The following NTRK3 variants were observed in gnomAD, a reference collection of about 807,000 sequenced individuals.
NTRK3 encodes the protein neurotrophic receptor tyrosine kinase 3.
NTRK3 carries 24 observed loss-of-function variants against 91.7 expected under a neutral mutation model. That is an observed-to-expected ratio of 0.26 (90% confidence interval 0.19 to 0.37). NTRK3 has a LOEUF of 0.37. Among genes scored for constraint, NTRK3 ranks in the 10% least tolerant of loss-of-function variants. The pLI is 1.00. For missense variants in NTRK3, 880 were observed against 1,068.9 expected, an observed-to-expected ratio of 0.82 and a Z score of 2.46; for synonymous variants, 483 against 404.0, an observed-to-expected ratio of 1.20 and a Z score of -2.34.
At chr15:88,125,372 T>C (rs1268403392) in intron 13 of NTRK3, among the ~76,000 whole-genome samples, 1 of 152,078 alleles carries the variant, frequency 6.6e-6, no homozygotes, top group Admixed American at 6.5e-5. Context: ...AGAGAATCCA[T>C]AGAAATTCAT....
intron 13 of NTRK3, among the ~76,000 whole-genome samples, chr15:88,095,878 C>A (rs1428815004): frequency 6.6e-6 from 1 of 152,206 alleles, no homozygotes; most frequent in Non-Finnish European, 1.5e-5. Context: ...AACCATAACA[C>A]ATTATCAAAA....
chr15:88,060,830 T>C (rs1307259407), intron 13 of NTRK3, among the ~76,000 whole-genome samples: 1 of 152,120 alleles, frequency 6.6e-6, no homozygotes, highest in Admixed American at 6.5e-5. Flanking sequence ...TTATTTTTGC[T>C]CAAAAAATAT....
At chr15:88,035,508 G>A (rs1024074845) in intron 13 of NTRK3, among the ~76,000 whole-genome samples, 7 of 152,096 alleles carry the variant, frequency 4.6e-5, no homozygotes, top group East Asian at 1.9e-4. Context: ...AATACCTCTC[G>A]GTATGGACAT....
chr15:87,877,747 T>C (rs2065019441), intron 18 of NTRK3, among the ~76,000 whole-genome samples: 1 of 152,116 alleles, frequency 6.6e-6, no homozygotes, highest in Admixed American at 6.5e-5. Flanking sequence ...ACAATAGGAC[T>C]AACTGCTTGA....
At chr15:87,988,474 T>C (rs2141457653) in intron 14 of NTRK3, among the ~76,000 whole-genome samples, 1 of 152,312 alleles carries the variant, frequency 6.6e-6, no homozygotes, top group Middle Eastern at 3.4e-3. Flanking sequence ...GACAAATGTA[T>C]CATGGTGATA....
rs559626789 is a variant in NTRK3, at chr15:88,000,849, A to G, written c.1585+32008T>C. 9.2e-5 allele frequency among the ~76,000 whole-genome samples: 14 copies of G among 152,286 alleles called. No individual in the cohort carries two copies. The South Asian group carries it at 2.7e-3, about 29-fold the overall frequency. Reference sequence around the variant, plus strand: ...AAGTTTTTGCATGAACACGTTTTCAATTCTCTATTATGCACCTAGAAGTGG... The same window carrying G: ...AAGTTTTTGCATGAACACGTTTTCAGTTCTCTATTATGCACCTAGAAGTGG... On this transcript the variant is annotated intron_variant, in intron 14 of 18. Coordinates refer to ENST00000394480, the Ensembl canonical transcript of NTRK3.
intron 17 of NTRK3, among the ~76,000 whole-genome samples, chr15:87,895,965 C>A (rs1359581247): frequency 6.6e-6 from 1 of 152,050 alleles, no homozygotes; most frequent in East Asian, 1.9e-4. Flanking sequence ...TAGCCTGGAA[C>A]CCACCCTCAC....
chr15:88,175,989 A>C (rs1216377751), intron 5 of NTRK3, among the ~76,000 whole-genome samples: 1 of 152,170 alleles, frequency 6.6e-6, no homozygotes, highest in Non-Finnish European at 1.5e-5. Context: ...GAATGAGAAG[A>C]AATCTCAAAG....
intron 4 of NTRK3, among the ~76,000 whole-genome samples, chr15:88,183,744 G>C (rs2046721023): frequency 6.6e-6 from 1 of 152,184 alleles, no homozygotes; most frequent in South Asian, 2.1e-4. Context: ...ACCCATCCTG[G>C]CCAGTAGGTA....
At chr15:88,210,646 C>T (rs139579581) in intron 3 of NTRK3, among the ~76,000 whole-genome samples, 2 of 152,236 alleles carry the variant, frequency 1.3e-5, no homozygotes, top group East Asian at 3.9e-4. Context: ...GCAACTTGCC[C>T]CTGGTTTTAT....
At chr15:87,912,619 C>T (rs1420157310) in intron 17 of NTRK3, among the ~76,000 whole-genome samples, 2 of 145,860 alleles carry the variant, frequency 1.4e-5, no homozygotes, top group African/African-American at 5.0e-5. Flanking sequence ...TGAGGGACAT[C>T]TGCTCTCTCT....
At chr15:88,252,922 C>A (rs1296902902) in intron 3 of NTRK3, 1 of 152,270 alleles carries the variant, frequency 6.6e-6, no homozygotes, top group Non-Finnish European at 1.5e-5. Context: ...CCATCAGAGG[C>A]AGTTCCCAGC....
intron 13 of NTRK3, among the ~76,000 whole-genome samples, chr15:88,035,294 C>T (rs2078973978): frequency 1.3e-5 from 2 of 152,138 alleles, no homozygotes; most frequent in Non-Finnish European, 2.9e-5. Context: ...GCCCCGCCCC[C>T]ACTATCACCT....
chr15:88,085,863 A>T (rs16941228), intron 13 of NTRK3, among the ~76,000 whole-genome samples: 4,740 of 152,270 alleles, frequency 0.031, 239 homozygotes, highest in African/African-American at 0.1. Context: ...GCCAATAGGG[A>T]TACAGAGATT....
At chr15:87,864,752 A>C (rs1356647765) in exon 19 of NTRK3, 1 of 229,472 alleles carries the variant, frequency 4.4e-6, no homozygotes, top group Non-Finnish European at 8.7e-6. Flanking sequence ...CACCAGCAAA[A>C]ATTTAAGGAA....
intron 14 of NTRK3, among the ~76,000 whole-genome samples, chr15:88,006,204 T>C (rs1488550383): frequency 1.3e-5 from 2 of 152,202 alleles, no homozygotes; most frequent in African/African-American, 4.8e-5. Flanking sequence ...AAAAAATTTT[T>C]CCCACAACCT....
rs1283426157 is a variant in NTRK3 at position 88,205,595 on chromosome 15, T to C, written c.249-21296A>G. 3.3e-5 allele frequency among the ~76,000 whole-genome samples: 5 copies of C among 152,254 alleles called. No individual in the cohort carries two copies. In the East Asian group the frequency reaches 5.8e-4, roughly 18 times the overall value. ...CCACAGCCCTCTATTTCCTGAGCAC[T>C]GAAAGGTAACCCAACTGCACACAGC... On this transcript the variant is annotated intron_variant, in intron 3 of 18. Transcript: ENST00000394480.
chr15:88,031,106 A>C (rs958608402), intron 14 of NTRK3, among the ~76,000 whole-genome samples: 10 of 152,264 alleles, frequency 6.6e-5, no homozygotes, highest in Middle Eastern at 3.2e-3. Flanking sequence ...ATGAATCAAC[A>C]ACATGTATTA....
At chr15:88,252,787 A>T (rs992061514) in intron 3 of NTRK3, 1 of 152,278 alleles carries the variant, frequency 6.6e-6, no homozygotes, top group Admixed American at 6.5e-5. Flanking sequence ...GCCAAAAGGG[A>T]GGGCCCTTTG....
Sources: gnomAD v4.1 joint callset for allele counts (sites outside exome capture counted in the v4.1 genomes callset) on GRCh38, gnomAD v4.1.1 for gene constraint, MANE v1.5 for transcripts, NCBI Gene and HGNC (gene_info 2026-07-23, HGNC 2026-07-21) for gene names.